Variants in SOX5 observed in about 807,000 individuals in gnomAD.
The protein encoded by SOX5 is SRY-box transcription factor 5, also known as transcription factor SOX-5.
Under a neutral mutation model 92.0 loss-of-function variants are expected in SOX5, and 9 were observed. The ratio of observed to expected loss-of-function variants is 0.10; its 90% CI spans 0.06 to 0.17. The LOEUF is 0.17. Ranked by LOEUF, SOX5 falls within the 10% of genes least tolerant of loss-of-function variation. SOX5 has a pLI of 1.00. For synonymous variants in SOX5, 344 were observed against 336.3 expected (o/e 1.02, Z -0.25); for missense variants, 642 against 944.5 (o/e 0.68, Z 4.20).
intron 4 of SOX5, among the ~76,000 whole-genome samples, chr12:24,021,232 G>A (rs1397719746): frequency 6.6e-6 from 1 of 152,202 alleles, no homozygotes; most frequent in Non-Finnish European, 1.5e-5. Context: ...CTATGGCTGA[G>A]TAGAAGCCCT....
chr12:24,178,789 G>A (rs1032431067), intron 4 of SOX5, among the ~76,000 whole-genome samples: 3 of 152,148 alleles, frequency 2.0e-5, no homozygotes, highest in African/African-American at 7.2e-5. Context: ...TATTTCTATT[G>A]CACAGATGGA....
intron 4 of SOX5, among the ~76,000 whole-genome samples, chr12:24,015,728 G>A (rs576284354): frequency 1.3e-5 from 2 of 152,150 alleles, no homozygotes; most frequent in East Asian, 1.9e-4. Context: ...TTAATCACAC[G>A]TATCTTTCTG....
chr12:24,455,945 C>T (rs1181530084), intron 1 of SOX5, among the ~76,000 whole-genome samples: 1 of 152,148 alleles, frequency 6.6e-6, no homozygotes, highest in Non-Finnish European at 1.5e-5. Flanking sequence ...CCATGCAGTC[C>T]AAAGCTCCCC....
intron 2 of SOX5, among the ~76,000 whole-genome samples, chr12:24,344,246 G>C (rs1952930455): frequency 7.6e-6 from 1 of 131,522 alleles, no homozygotes; most frequent in South Asian, 2.3e-4. Context: ...TCGTGCCACC[G>C]CACTCCATCC....
intron 2 of SOX5, among the ~76,000 whole-genome samples, chr12:24,361,683 A>G (rs1955579123): frequency 6.6e-6 from 1 of 152,094 alleles, no homozygotes; most frequent in African/African-American, 2.4e-5. Flanking sequence ...GTGCATAAAT[A>G]TACAGGTCTT....
intron 4 of SOX5, among the ~76,000 whole-genome samples, chr12:23,960,044 T>C (rs1171942470): frequency 6.6e-6 from 1 of 152,200 alleles, no homozygotes; most frequent in Admixed American, 6.5e-5. Context: ...CTCAGCCACC[T>C]TCTCTTATTC....
At chr12:23,592,818 C>A (rs1048007634) in intron 9 of SOX5, among the ~76,000 whole-genome samples, 1 of 152,138 alleles carries the variant, frequency 6.6e-6, no homozygotes, top group African/African-American at 2.4e-5. Flanking sequence ...GTGGCTCATG[C>A]CTGTAATCCC....
intron 4 of SOX5, among the ~76,000 whole-genome samples, chr12:24,093,304 G>A (rs907361865): frequency 4.6e-5 from 7 of 151,942 alleles, no homozygotes; most frequent in Non-Finnish European, 1.0e-4. Context: ...GGCAGATCAC[G>A]AGGTCCGGAG....
upstream of SOX5, among the ~76,000 whole-genome samples, chr12:23,952,928 G>C (rs1213826877): frequency 6.6e-6 from 1 of 152,114 alleles, no homozygotes; most frequent in East Asian, 1.9e-4. Flanking sequence ...CCATAATGCA[G>C]AATAAACTGA....
intron 2 of SOX5, among the ~76,000 whole-genome samples, chr12:23,885,745 G>A (rs1042364222): frequency 3.9e-5 from 6 of 151,996 alleles, no homozygotes; most frequent in African/African-American, 1.2e-4. Flanking sequence ...AACCAAATGG[G>A]CCATTTACAA....
At chr12:24,389,815 AG>A (rs1958806066) in intron 1 of SOX5, among the ~76,000 whole-genome samples, 1 of 152,246 alleles carries the variant, frequency 6.6e-6, no homozygotes, top group Non-Finnish European at 1.5e-5. Context: ...TTTTCCAAAC[AG>A]CTGCCCATTT....
intron 4 of SOX5, among the ~76,000 whole-genome samples, chr12:24,016,770 T>C (rs964939410): frequency 2.6e-5 from 4 of 152,194 alleles, no homozygotes; most frequent in Non-Finnish European, 4.4e-5. Flanking sequence ...TTTTTTTTAA[T>C]TGAATCTCAG....
intron 2 of SOX5, among the ~76,000 whole-genome samples, chr12:24,364,483 G>A (rs2136205144): frequency 7.2e-6 from 1 of 139,392 alleles, no homozygotes; most frequent in African/African-American, 2.7e-5. Context: ...ATTTGTGTCA[G>A]CCAAAACTGA....
intron 4 of SOX5, among the ~76,000 whole-genome samples, chr12:24,026,288 A>G (rs1251313264): frequency 1.3e-5 from 2 of 152,072 alleles, no homozygotes; most frequent in African/African-American, 4.8e-5. Flanking sequence ...CCAACTCTGC[A>G]TTAGATATTC....
chr12:23,754,652 G>A (rs1246957144), intron 4 of SOX5, among the ~76,000 whole-genome samples: 1 of 151,856 alleles, frequency 6.6e-6, no homozygotes, highest in African/African-American at 2.4e-5. Context: ...AGATGTTCAT[G>A]TCATGTAGGC....
At chr12:23,894,503 A>G (rs1595445749) in intron 2 of SOX5, among the ~76,000 whole-genome samples, 1 of 152,278 alleles carries the variant, frequency 6.6e-6, no homozygotes, top group East Asian at 1.9e-4. Context: ...CTGGGATTAC[A>G]GGTGTGAGCC....
At chr12:23,662,788 G>A (rs572062270) in intron 7 of SOX5, among the ~76,000 whole-genome samples, 8 of 152,214 alleles carry the variant, frequency 5.3e-5, no homozygotes, top group East Asian at 1.9e-4. Context: ...ACATCTAGTC[G>A]AAACAGAAAC....
At position 24,148,497 on chromosome 12, in the gene SOX5, AAAAAAAAG is replaced by A. The variant is rs1304907038; in HGVS notation, c.-2+64838_-2+64845del. Among the ~76,000 whole-genome samples, 694 of 142,684 alleles carry A rather than the reference AAAAAAAAG, an allele frequency of 4.9e-3. 2 individuals are homozygous for A. The highest frequency in any genetic ancestry group is 0.013 in the African/African-American group (486 of 38,058). The allele number at this position is 142,684 out of a possible 152,430, so 93.6% of individuals were successfully genotyped here. ...GCTCCATGTCAAAAAAAAAAAAAAA[AAAAAAAAG>A]AGAGAGAGAGAGAGACAAACAGATC... is the stretch of plus-strand genomic sequence containing the variant. On this transcript the variant is annotated intron_variant, in intron 4 of 4. Coordinates refer to the SOX5 transcript ENST00000446891.
At chr12:23,912,439 G>C (rs1203309155) in intron 1 of SOX5, among the ~76,000 whole-genome samples, 1 of 152,148 alleles carries the variant, frequency 6.6e-6, no homozygotes, top group Non-Finnish European at 1.5e-5. Context: ...AAAACAGTTT[G>C]CAGTTTCTAA....
Sources: gnomAD v4.1 joint callset for allele counts (sites outside exome capture counted in the v4.1 genomes callset) on GRCh38, gnomAD v4.1.1 for gene constraint, MANE v1.5 for transcripts, NCBI Gene and HGNC (gene_info 2026-07-23, HGNC 2026-07-21) for gene names.